The following ATP8B3 variants were observed in gnomAD, a reference collection of about 807,000 sequenced individuals.
ATP8B3 encodes the protein ATPase phospholipid transporting 8B3, also known as phospholipid-transporting ATPase IK.
In ATP8B3, 141 loss-of-function variants were observed where a neutral mutation model predicts 140.9. That is an observed-to-expected ratio of 1.00 (90% CI 0.87 to 1.15). ATP8B3 has a LOEUF of 1.15. Ranked by LOEUF, ATP8B3 falls within the 50% of genes most tolerant of loss-of-function variation. The pLI is 0.00. For synonymous variants in ATP8B3, 765 were observed against 714.6 expected (o/e 1.07, Z -1.13); for missense variants, 1,874 against 1,740.6 (o/e 1.08, Z -1.36).
chr19:1,802,700 T>A, intron 10 of ATP8B3, 55 bp from the exon 11 acceptor site: 1 of 1,559,456 alleles, frequency 6.4e-7, no homozygotes, highest in Non-Finnish European at 8.7e-7. Flanking sequence ...CCTCCCCAGG[T>A]TCCCTGCACC....
At chr19:1,795,171 C>T (rs2068627485) in intron 18 of ATP8B3, among the ~76,000 whole-genome samples, 1 of 152,118 alleles carries the variant, frequency 6.6e-6, no homozygotes, top group Non-Finnish European at 1.5e-5. Flanking sequence ...AGGAGGATAG[C>T]TTAAGCCTGG....
chr19:1,805,523 C>A lies in ATP8B3; in HGVS notation c.822-67G>T. On this transcript the variant is annotated intron_variant, in intron 9 of 28. Transcript: ENST00000310127. The surrounding 1 kb of genome is among the most constrained non-coding windows in gnomAD (Gnocchi z 5.2). ...GATGCTTCGAGGAGCCCCCAGACCCCTTCTGGAGTCACTCAAACATTTTCA... is the reference window on the plus strand; with the variant it reads ...GATGCTTCGAGGAGCCCCCAGACCCATTCTGGAGTCACTCAAACATTTTCA... 7.6e-7 allele frequency: 1 copy of A among 1,315,074 alleles called. No homozygotes were observed. Among genetic ancestry groups the A allele is most frequent in the South Asian group, 1.3e-5 (1 of 79,110 alleles). The allele number at this position is 1,315,074 out of a possible 1,614,324, so 81.5% of individuals were successfully genotyped here. A position where few individuals can be genotyped will look rare whatever the true frequency, so the allele number is the denominator to read the frequency against.
chr19:1,783,789 T>C (rs1339760974), intron 28 of ATP8B3, among the ~76,000 whole-genome samples: 1 of 152,234 alleles, frequency 6.6e-6, no homozygotes, highest in African/African-American at 2.4e-5. Flanking sequence ...CCATCTCAGC[T>C]GCAACTTGCT....
chr19:1,795,812 C>T, intron 18 of ATP8B3, 63 bp downstream of exon 18: 4 of 920,296 alleles, frequency 4.3e-6, no homozygotes, highest in Non-Finnish European at 1.7e-6. Context: ...CACACACACA[C>T]ACACACACAC....
At chr19:1,796,332 A>G in intron 16 of ATP8B3, 67 bp from the exon 17 acceptor site, 3 of 1,386,672 alleles carry the variant, frequency 2.2e-6, no homozygotes, top group Non-Finnish European at 2.9e-6. Flanking sequence ...CAGTGCAGGG[A>G]GGAGATGGGT....
In ATP8B3 at chr19:1,796,616, C is replaced by T. The variant is rs2068684364; in HGVS notation, c.1753+95G>A. 4.1e-6 allele frequency: 6 copies of T among 1,465,850 alleles called. No individual in the cohort carries two copies. In the African/African-American group the frequency reaches 8.4e-5, roughly 21 times the overall value. The allele number at this position is 1,465,850 out of a possible 1,614,324, so 90.8% of individuals were successfully genotyped here. On this transcript the variant is annotated intron_variant, in intron 16 of 28. Coordinates refer to ENST00000310127, the MANE Select transcript of ATP8B3 (RefSeq NM_138813.4). Reference sequence around the variant, plus strand: ...CAGCGCCCCCCAAGCCAGCTGAAAGCCCTGGAAGATGGGCCGGGTGAGCTG... The same window carrying T: ...CAGCGCCCCCCAAGCCAGCTGAAAGTCCTGGAAGATGGGCCGGGTGAGCTG...
At position 1,785,466 on chromosome 19, in the gene ATP8B3, C is replaced by T. The variant is rs1463252035; in HGVS notation, c.3393+3G>A. ...GCCCCGGGGAGGTGAGGACCTTGCC[C>T]ACCTCCATGGTGATGGACAGCAGGC... On this transcript the variant is annotated splice_donor_region_variant and intron_variant, in intron 26 of 28. Coordinates refer to ENST00000310127, the MANE Select transcript of ATP8B3 (RefSeq NM_138813.4). 1 of 1,612,026 alleles carries T rather than the reference C, an allele frequency of 6.2e-7. No individual in the cohort carries two copies. The highest frequency in any genetic ancestry group is 1.7e-5 in the Admixed American group (1 of 59,982).
Position 1,800,440 on chromosome 19 carries a change from A to T in ATP8B3, c.1162T>A (p.Ser388Thr), listed in dbSNP as rs1336503259. Reference protein sequence around the residue: ...MNKLVVVIFISVVLVCLVLAF... With the variant: ...MNKLVVVIFITVVLVCLVLAF... ...AACACCAGGCAGACAAGCACCACGG[A>T]GATGAAGATCTGGAAGGCAGACGCG... is the stretch of plus-strand genomic sequence containing the variant. Residue 388 changes from serine to threonine, a missense_variant, in exon 13 of 29, where the codon TCC becomes ACC. Physicochemically the swap from Ser to Thr is moderately conservative, Grantham distance 58. Transcript: ENST00000310127. This position sits in a 1 kb window ranked among gnomAD's most constrained non-coding sequence, Gnocchi z 4.4. 2 of 1,513,296 alleles carry T rather than the reference A, an allele frequency of 1.3e-6. No homozygotes were observed. The highest frequency in any genetic ancestry group is 2.6e-5 in the East Asian group (1 of 37,858). 93.7% of individuals were successfully genotyped at this position (1,513,296 alleles called of 1,614,324 possible).
chr19:1,801,285 G>A (rs1160699956), intron 12 of ATP8B3, among the ~76,000 whole-genome samples: 1 of 151,992 alleles, frequency 6.6e-6, no homozygotes, highest in Non-Finnish European at 1.5e-5. Context: ...CCAAGTAGCT[G>A]GGATTACAGG....
At position 1,800,164 on chromosome 19, in the gene ATP8B3, G is replaced by T; in HGVS notation, c.1344-9C>A. ...GGTAGATGAACTCGGACCTGCAGAG[G>T]CACTCAGGGTCACGGTCAGCCCCGC... On this transcript the variant is annotated splice_polypyrimidine_tract_variant and intron_variant, in intron 13 of 28. Transcript: ENST00000310127. The surrounding 1 kb of genome is among the most constrained non-coding windows in gnomAD (Gnocchi z 4.4). The T allele has an allele frequency of 6.4e-7, 1 of 1,560,492 alleles. No individual in the cohort carries two copies. The highest frequency in any genetic ancestry group is 8.7e-7 in the Non-Finnish European group (1 of 1,151,880).
chr19:1,783,354 A>C, intron 28 of ATP8B3, 84 bp from the exon 29 acceptor site: 1 of 1,492,660 alleles, frequency 6.7e-7, no homozygotes, highest in Non-Finnish European at 9.0e-7. Flanking sequence ...GAGAGGCAGG[A>C]TTCAAAGCCC....
intron 22 of ATP8B3, 57 bp from the exon 23 acceptor site, chr19:1,789,784 C>A: frequency 6.4e-7 from 1 of 1,559,602 alleles, no homozygotes; most frequent in Non-Finnish European, 8.6e-7. Context: ...CAGACTGGAC[C>A]CTACCCGGCC....
In ATP8B3 at chr19:1,806,088, C is replaced by A; in HGVS notation, c.750+9G>T. On this transcript the variant is annotated intron_variant, in intron 8 of 28. Coordinates refer to ENST00000310127, the MANE Select transcript of ATP8B3 (RefSeq NM_138813.4). The surrounding 1 kb of genome is among the most constrained non-coding windows in gnomAD (Gnocchi z 5.6). ...TGGTTCTGGGACCTCGGGGTCAACC[C>A]CAGCTCACTGGGACGATGTTGTCCT... 1 of 1,601,352 alleles carries A rather than the reference C, an allele frequency of 6.2e-7. No individual in the cohort carries two copies. Among genetic ancestry groups the A allele is most frequent in the African/African-American group, 1.3e-5 (1 of 74,576 alleles).
Position 1,806,290 on chromosome 19 carries a change from C to G in ATP8B3, c.678-121G>C. Reference sequence around the variant, plus strand: ...TGCAGTCCCCACCTCCGGGCCTTTGCCCCCTCAGGAAGCCTTCCCCGGGCT... The same window carrying G: ...TGCAGTCCCCACCTCCGGGCCTTTGGCCCCTCAGGAAGCCTTCCCCGGGCT... On this transcript the variant is annotated intron_variant, in intron 7 of 28. Transcript: ENST00000310127. This position sits in a 1 kb window ranked among gnomAD's most constrained non-coding sequence, Gnocchi z 5.6. 6.7e-7 allele frequency: 1 copy of G among 1,497,808 alleles called. No homozygotes were observed. The highest frequency in any genetic ancestry group is 8.9e-7 in the Non-Finnish European group (1 of 1,127,362). 92.8% of individuals were successfully genotyped at this position (1,497,808 alleles called of 1,614,324 possible). A position where few individuals can be genotyped will look rare whatever the true frequency, so the allele number is the denominator to read the frequency against.
rs780575598 is a variant in ATP8B3, at chr19:1,807,232, G to A, written c.551C>T (p.Ser184Leu). 15 of 1,612,990 alleles carry A rather than the reference G, an allele frequency of 9.3e-6. No individual in the cohort carries two copies. The highest frequency in any genetic ancestry group is 3.3e-5 in the South Asian group (3 of 91,064). ...GAGGCAGACCATAGGGGTACTGAGC[G>A]AGAACCAGGGCAGCGTGGAGATGTC... ...IPDISTLPWFSLSTPMVCLLF... is the reference protein window; with the variant it reads ...IPDISTLPWFLLSTPMVCLLF... The change falls in exon 6 of 29, where the codon TCG (serine) becomes TTG (leucine). Residue 184 changes from serine to leucine, a missense_variant. Coordinates refer to ENST00000310127, the MANE Select transcript of ATP8B3 (RefSeq NM_138813.4). This position sits in a 1 kb window ranked among gnomAD's most constrained non-coding sequence, Gnocchi z 5.9.
Position 1,805,690 on chromosome 19 carries a change from C to T in ATP8B3, c.821+198G>A, listed in dbSNP as rs141638845. Reference sequence around the variant, plus strand: ...CTAGGGCCTCCTGCCCGTATGCACACAATGGAAACAATGGGGAGGGTGGGC... The same window carrying T: ...CTAGGGCCTCCTGCCCGTATGCACATAATGGAAACAATGGGGAGGGTGGGC... On this transcript the variant is annotated intron_variant, in intron 9 of 28. Coordinates refer to ENST00000310127, the MANE Select transcript of ATP8B3 (RefSeq NM_138813.4). The surrounding 1 kb of genome is among the most constrained non-coding windows in gnomAD (Gnocchi z 5.2). 6.7e-6 allele frequency among the ~76,000 whole-genome samples: 1 copy of T among 150,230 alleles called. No individual in the cohort carries two copies. Among genetic ancestry groups the T allele is most frequent in the East Asian group, 1.9e-4 (1 of 5,180 alleles).
At chr19:1,784,798 C>G (rs1019376435) in intron 28 of ATP8B3, 21 bp downstream of exon 28, 7 of 1,579,826 alleles carry the variant, frequency 4.4e-6, no homozygotes, top group Non-Finnish European at 6.0e-6. Context: ...GATGAGGACC[C>G]CAGGCCCAGG....
At chr19:1,786,828 C>G (rs1051796027) in intron 25 of ATP8B3, among the ~76,000 whole-genome samples, 1 of 152,128 alleles carries the variant, frequency 6.6e-6, no homozygotes, top group Non-Finnish European at 1.5e-5. Context: ...TCCTCTCTCC[C>G]CATTGCATGG....
rs1218905471 is a variant in ATP8B3 at position 1,787,115 on chromosome 19, C to T, written c.3141G>A (p.Gly1047=). ...TTGCCCTGCTCACCTGCTCAAAGAG[C>T]CCAATGTAGAGAACTGGCAGGGTGC... is the stretch of plus-strand genomic sequence containing the variant. ...LYSTLPVLYI[G]LFEQDVSAEQ... Residue 1047 remains glycine, a synonymous_variant, in exon 25 of 29, where the codon GGG becomes GGA. Transcript: ENST00000310127. 1.2e-6 allele frequency: 2 copies of T among 1,605,590 alleles called. No homozygotes were observed. The highest frequency in any genetic ancestry group is 1.3e-5 in the African/African-American group (1 of 74,734).
Sources: gnomAD v4.1 joint callset for allele counts (sites outside exome capture counted in the v4.1 genomes callset) on GRCh38, gnomAD v4.1.1 for gene constraint, Gnocchi (gnomAD v3.1) non-coding constraint, MANE v1.5 for transcripts, NCBI Gene and HGNC (gene_info 2026-07-23, HGNC 2026-07-21) for gene names.